The following MUTYH variants were observed in gnomAD, a reference collection of about 807,000 sequenced individuals.
MUTYH encodes the protein mutY DNA glycosylase, also known as adenine DNA glycosylase.
MUTYH carries 64 observed loss-of-function variants against 72.9 expected under a neutral mutation model. The ratio of observed to expected loss-of-function variants is 0.88; its 90% CI spans 0.72 to 1.08. MUTYH has a LOEUF of 1.08. Ranked by LOEUF, MUTYH falls within the 50% of genes least tolerant of loss-of-function variation. The pLI is 0.00. For synonymous variants in MUTYH, 234 were observed against 263.1 expected, an observed-to-expected ratio of 0.89 and a Z score of 1.07; for missense variants, 633 against 671.0, an observed-to-expected ratio of 0.94 and a Z score of 0.63.
rs556365985 is a variant in MUTYH at position 45,332,884 on chromosome 1, G to A, written c.420+34C>T. 78 of 1,614,034 alleles carry A rather than the reference G, an allele frequency of 4.8e-5. No homozygotes were observed. The highest frequency in any genetic ancestry group is 7.7e-5 in the South Asian group (7 of 91,074). On this transcript the variant is annotated intron_variant, in intron 6 of 15. Coordinates refer to ENST00000456914, the MANE Select transcript of MUTYH (RefSeq NM_001048174.2). ...GAGATCACCCGTCAGTCCCTCTATT[G>A]TTCCTATTTCCCCTACCCTAGGGTG...
chr1:45,331,269 C>G lies in MUTYH; in HGVS notation c.1305G>C (p.Gln435His), dbSNP rs1434384304. 2 of 1,614,162 alleles carry G rather than the reference C, an allele frequency of 1.2e-6. No homozygotes were observed. The highest frequency in any genetic ancestry group is 1.7e-6 in the Non-Finnish European group (2 of 1,180,044). ...CTGGTGGTACGGTGGTCACTGGGGT[C>G]TGCCCTTCCAAGGCCAGCCCATATA... Reference protein sequence around the residue: ...YQVYGLALEGQTPVTTVPPGA... With the variant: ...YQVYGLALEGHTPVTTVPPGA... The change falls in exon 14 of 16, where the codon CAG becomes CAC. Residue 435 changes from glutamine (Q) to histidine (H), a missense_variant. Coordinates refer to ENST00000456914, the MANE Select transcript of MUTYH (RefSeq NM_001048174.2).
At chr1:45,334,585 C>T in intron 1 of MUTYH, 74 bp from the exon 2 acceptor site, 5 of 1,594,402 alleles carry the variant, frequency 3.1e-6, no homozygotes, top group Non-Finnish European at 4.3e-6. Flanking sequence ...AGGGTGATAG[C>T]TATCTCCCTC....
chr1:45,340,006 C>A (rs2149246374), upstream of MUTYH: 1 of 1,538,690 alleles, frequency 6.5e-7, no homozygotes, highest in Non-Finnish European at 8.8e-7. Context: ...CCCGGCTTTC[C>A]GGCGCACTCC....
In MUTYH at chr1:45,332,742, AC is replaced by A. The variant is rs1553128681; in HGVS notation, c.492+20del. 14 of 1,613,912 alleles carry A rather than the reference AC, an allele frequency of 8.7e-6. No individual in the cohort carries two copies. The highest frequency in any genetic ancestry group is 1.2e-5 in the Non-Finnish European group (14 of 1,179,950). ...AGACACCCAAGACTCCTGGGTTCCT[AC>A]CCTCCTGCCATCCCCTTACCTTCCG... On this transcript the variant is annotated intron_variant, in intron 7 of 15. Coordinates refer to ENST00000456914, the MANE Select transcript of MUTYH (RefSeq NM_001048174.2).
At chr1:45,334,303 T>C in intron 2 of MUTYH, 88 bp downstream of exon 2, 1 of 1,592,828 alleles carries the variant, frequency 6.3e-7, no homozygotes, top group Non-Finnish European at 8.6e-7. Context: ...GTAAGTCTCT[T>C]AATGTCTTGA....
In MUTYH at chr1:45,331,712, GT is replaced by G; in HGVS notation, c.1050del (p.Glu350AspfsTer30). 1 of 1,614,164 alleles carries G rather than the reference GT, an allele frequency of 6.2e-7. No homozygotes were observed. Among genetic ancestry groups the G allele is most frequent in the Non-Finnish European group, 8.5e-7 (1 of 1,180,040 alleles). ...REESSATCVL[E>X]QPGALGAQIL... ...ATTTGGGCCCCAAGGGCCCCAGGCT[GT>G]TCCAGAACACAGGTGGCAGAGCTCT... On this transcript the variant is annotated frameshift_variant, in exon 12 of 16. Coordinates refer to ENST00000456914, the MANE Select transcript of MUTYH (RefSeq NM_001048174.2). LOFTEE classifies it high-confidence loss of function.
At chr1:45,334,176 A>G in intron 2 of MUTYH, 1 of 575,844 alleles carries the variant, frequency 1.7e-6, no homozygotes, top group South Asian at 1.8e-5. Flanking sequence ...GAGCATAGAG[A>G]GGGGATTTCG....
chr1:45,339,940 C>T lies in MUTYH; in HGVS notation c.-48G>A. 6.8e-7 allele frequency: 1 copy of T among 1,475,990 alleles called. No homozygotes were observed. The highest frequency in any genetic ancestry group is 1.2e-5 in the South Asian group (1 of 83,460). The allele number at this position is 1,475,990 out of a possible 1,614,324, so 91.4% of individuals were successfully genotyped here. A position where few individuals can be genotyped will look rare whatever the true frequency, so the allele number is the denominator to read the frequency against. ...TGAAGACAGCAGAACACGGAGGCCC[C>T]GCGTTCCCGCCGCGAGAGCAGGAGA... On this transcript the variant is annotated 5_prime_UTR_variant, in exon 1 of 16. Coordinates refer to ENST00000456914, the MANE Select transcript of MUTYH (RefSeq NM_001048174.2).
At chr1:45,333,832 T>C (rs1645436884) in intron 2 of MUTYH, among the ~76,000 whole-genome samples, 1 of 152,202 alleles carries the variant, frequency 6.6e-6, no homozygotes, top group Non-Finnish European at 1.5e-5. Context: ...TGTATACTGG[T>C]GCAGGACCTT....
intron 2 of MUTYH, 136 bp downstream of exon 2, chr1:45,334,255 C>T (rs890766115): frequency 1.4e-4 from 190 of 1,355,708 alleles, no homozygotes; most frequent in Non-Finnish European, 1.9e-4. Flanking sequence ...TCCCAAAGTG[C>T]TGGGATTACA....
At chr1:45,334,593 C>T (rs1645604236) in intron 1 of MUTYH, 82 bp from the exon 2 acceptor site, 1 of 1,582,720 alleles carries the variant, frequency 6.3e-7, no homozygotes, top group African/African-American at 1.3e-5. Flanking sequence ...AGCTATCTCC[C>T]TCTCATCCAC....
At position 45,333,176 on chromosome 1, in the gene MUTYH, G is replaced by A. The variant is rs376600220; in HGVS notation, c.305-6C>T. Reference sequence around the variant, plus strand: ...CATGACCTCTGAGACCCACACTGGGGGAAAGGGGTTGGCATGAGGACACTG... The same window carrying A: ...CATGACCTCTGAGACCCACACTGGGAGAAAGGGGTTGGCATGAGGACACTG... On this transcript the variant is annotated splice_region_variant and splice_polypyrimidine_tract_variant and intron_variant, in intron 4 of 15. Transcript: ENST00000456914. 24 of 1,614,212 alleles carry A rather than the reference G, an allele frequency of 1.5e-5. No individual in the cohort carries two copies. Among genetic ancestry groups the A allele is most frequent in the Non-Finnish European group, 2.0e-5 (24 of 1,180,032 alleles).
chr1:45,338,460 G>A lies in MUTYH; in HGVS notation c.-7+1439C>T, dbSNP rs1306767413. 3 of 382,592 alleles carry A rather than the reference G, an allele frequency of 7.8e-6. No individual in the cohort carries two copies. In the Admixed American group the frequency reaches 1.1e-4, roughly 14 times the overall value. 23.7% of individuals were successfully genotyped at this position (382,592 alleles called of 1,614,324 possible). On this transcript the variant is annotated intron_variant, in intron 1 of 15. Transcript: ENST00000456914. ...GTCTTGACTGAAATGTCCAAATCAG[G>A]TCCCCTCATCTTATCCTATCACATA...
At chr1:45,331,363 G>C (rs761930271) in intron 13 of MUTYH, 29 bp from the exon 14 acceptor site, 1 of 1,614,206 alleles carries the variant, frequency 6.2e-7, no homozygotes, top group Non-Finnish European at 8.5e-7. Flanking sequence ...GGTTCAAATA[G>C]GCCTGTGGAT....
chr1:45,331,063 C>A, intron 14 of MUTYH, 119 bp downstream of exon 14: 1 of 1,387,346 alleles, frequency 7.2e-7, no homozygotes, highest in Non-Finnish European at 1.0e-6. Context: ...CCAGCCTGGG[C>A]AACAGAGCGA....
At chr1:45,338,465 C>A in intron 1 of MUTYH, 1 of 374,900 alleles carries the variant, frequency 2.7e-6, no homozygotes, top group African/African-American at 2.0e-5. Flanking sequence ...ATCAGGTCCC[C>A]TCATCTTATC....
intron 1 of MUTYH, among the ~76,000 whole-genome samples, chr1:45,337,062 T>G (rs890197864): frequency 4.6e-5 from 7 of 151,922 alleles, no homozygotes; most frequent in African/African-American, 1.7e-4. Context: ...TCCACATTCA[T>G]TCTACAATCT....
chr1:45,340,357 G>A (rs2149250342), upstream of MUTYH: 1 of 1,576,350 alleles, frequency 6.3e-7, no homozygotes, highest in South Asian at 1.2e-5. Flanking sequence ...TGGGAGAGGG[G>A]AAGGCCTCGG....
rs1413567542 is a variant in MUTYH, at chr1:45,329,450, GGAA to G, written c.1435-16_1435-14del. On this transcript the variant is annotated splice_polypyrimidine_tract_variant and intron_variant, in intron 15 of 15. Transcript: ENST00000456914. ...ACCTTTTGGAACCCTGTGAAAAAAT[GGAA>G]GGAGGGAGGCCTTGTAGTTGGGGGA... 1.9e-6 allele frequency: 3 copies of G among 1,613,852 alleles called. No individual in the cohort carries two copies. Among genetic ancestry groups the G allele is most frequent in the Non-Finnish European group, 2.5e-6 (3 of 1,179,868 alleles).
Sources: gnomAD v4.1 joint callset for allele counts (sites outside exome capture counted in the v4.1 genomes callset) on GRCh38, gnomAD v4.1.1 for gene constraint, MANE v1.5 for transcripts, NCBI Gene and HGNC (gene_info 2026-07-23, HGNC 2026-07-21) for gene names.